The following LNP1 variants were observed in gnomAD, a reference collection of about 807,000 sequenced individuals.
The protein encoded by LNP1 is leukemia NUP98 fusion partner 1.
Under a neutral mutation model 14.5 loss-of-function variants are expected in LNP1, and 12 were observed. The ratio of observed to expected loss-of-function variants is 0.83; its 90% CI spans 0.53 to 1.34. LNP1 has a LOEUF of 1.34. Among genes scored for constraint, LNP1 ranks in the 40% most tolerant of loss-of-function variants. The pLI is 0.00. For missense variants in LNP1, 198 were observed against 210.9 expected (o/e 0.94, Z 0.38); for synonymous variants, 75 against 71.4 (o/e 1.05, Z -0.26).
At chr3:100,450,795 C>T (rs1208254442) in intron 2 of LNP1, among the ~76,000 whole-genome samples, 1 of 152,150 alleles carries the variant, frequency 6.6e-6, no homozygotes, top group Non-Finnish European at 1.5e-5. Flanking sequence ...TGGAAGTGAG[C>T]TCAAACTCCA....
At position 100,424,658 on chromosome 3, in the gene LNP1, C is replaced by T. The variant is rs1336904035; in HGVS notation, c.-33-5039C>T. Among the ~76,000 whole-genome samples the T allele has an allele frequency of 2.6e-5, 4 of 152,186 alleles. No individual in the cohort carries two copies. The East Asian group carries it at 7.7e-4, about 29-fold the overall frequency. On this transcript the variant is annotated intron_variant, in intron 1 of 3. Transcript: ENST00000383693. ...CACATTAGTCGGGCAGTTTAGACCA[C>T]TCTTATAATTTAAGGAAAATGTTAT...
chr3:100,414,708 C>T (rs1318823810), intron 1 of LNP1, among the ~76,000 whole-genome samples: 1 of 152,204 alleles, frequency 6.6e-6, no homozygotes, highest in East Asian at 1.9e-4. Context: ...TAGCAAGGAA[C>T]TCTAGGAGCT....
At chr3:100,404,021 T>C (rs1706940175) in intron 1 of LNP1, among the ~76,000 whole-genome samples, 1 of 152,258 alleles carries the variant, frequency 6.6e-6, no homozygotes, top group Non-Finnish European at 1.5e-5. Context: ...CTCTATTCTC[T>C]TTCAGCTGTC....
intron 1 of LNP1, among the ~76,000 whole-genome samples, chr3:100,407,269 A>G (rs773544092): frequency 6.6e-6 from 1 of 152,224 alleles, no homozygotes; most frequent in South Asian, 2.1e-4. Flanking sequence ...CTTGTAAGAC[A>G]GGTCTGGTGG....
chr3:100,444,688 G>A (rs1707372357), intron 2 of LNP1, among the ~76,000 whole-genome samples: 1 of 152,146 alleles, frequency 6.6e-6, no homozygotes, highest in Non-Finnish European at 1.5e-5. Flanking sequence ...TAACTCAAAG[G>A]ATTTTTTTAA....
At chr3:100,438,587 G>C (rs1318537086) in intron 2 of LNP1, among the ~76,000 whole-genome samples, 2 of 152,158 alleles carry the variant, frequency 1.3e-5, no homozygotes, top group East Asian at 3.8e-4. Context: ...ATACAGAATA[G>C]TTTCACTGTC....
At chr3:100,410,618 G>A (rs1707023626) in intron 1 of LNP1, among the ~76,000 whole-genome samples, 1 of 152,168 alleles carries the variant, frequency 6.6e-6, no homozygotes, top group African/African-American at 2.4e-5. Flanking sequence ...CATGGAGATT[G>A]GGTACAACTC....
At chr3:100,451,651 C>A in intron 2 of LNP1, 68 bp from the exon 3 acceptor site, 1 of 621,308 alleles carries the variant, frequency 1.6e-6, no homozygotes. Context: ...AGTTTATAAA[C>A]ATTCTGCCTC....
chr3:100,453,803 A>G (rs2148909245), intron 3 of LNP1, among the ~76,000 whole-genome samples: 1 of 152,244 alleles, frequency 6.6e-6, no homozygotes, highest in Non-Finnish European at 1.5e-5. Context: ...TCTGACATAA[A>G]CACAATACAA....
At chr3:100,455,490 G>T (rs1300508833) in intron 3 of LNP1, among the ~76,000 whole-genome samples, 1 of 152,146 alleles carries the variant, frequency 6.6e-6, no homozygotes, top group Non-Finnish European at 1.5e-5. Flanking sequence ...ATTTCATTGT[G>T]CCATGAAATC....
chr3:100,407,359 C>T (rs1038944256), intron 1 of LNP1, among the ~76,000 whole-genome samples: 9 of 152,114 alleles, frequency 5.9e-5, no homozygotes, highest in Admixed American at 2.0e-4. Flanking sequence ...TTGCTGAGTA[C>T]AGTATTCTTG....
At chr3:100,406,078 G>A (rs1010222429) in intron 1 of LNP1, among the ~76,000 whole-genome samples, 1 of 152,114 alleles carries the variant, frequency 6.6e-6, no homozygotes, top group Non-Finnish European at 1.5e-5. Flanking sequence ...CTGAGGTCAG[G>A]AGTTCAAGAT....
At chr3:100,417,185 C>T (rs1462484295) in intron 1 of LNP1, among the ~76,000 whole-genome samples, 2 of 151,918 alleles carry the variant, frequency 1.3e-5, no homozygotes. Context: ...ATCTAATCGT[C>T]TTTTCCTTAT....
Position 100,409,848 on chromosome 3 carries a change from G to A in LNP1, c.-34+7409G>A, listed in dbSNP as rs1576225179. On this transcript the variant is annotated intron_variant, in intron 1 of 3. Transcript: ENST00000383693. ...GACCTCAGGCGATCTACCCACCGCA[G>A]CCTCCCAAAGTGCTAGGATTACAGG... Among the ~76,000 whole-genome samples the A allele has an allele frequency of 5.3e-5, 8 of 151,668 alleles. No homozygotes were observed. The South Asian group carries it at 1.7e-3, about 32-fold the overall frequency.
At chr3:100,409,450 C>T (rs1312543411) in intron 1 of LNP1, among the ~76,000 whole-genome samples, 1 of 151,326 alleles carries the variant, frequency 6.6e-6, no homozygotes, top group Non-Finnish European at 1.5e-5. Context: ...CGAGGCCAGC[C>T]TGGCCAAGAC....
intron 1 of LNP1, among the ~76,000 whole-genome samples, chr3:100,425,988 G>A (rs1000997032): frequency 2.0e-5 from 3 of 152,174 alleles, no homozygotes; most frequent in Non-Finnish European, 4.4e-5. Context: ...CTGGCAAGCT[G>A]AACACAAATT....
At chr3:100,417,371 CTTTT>C (rs562000656) in intron 1 of LNP1, among the ~76,000 whole-genome samples, 739 of 64,592 alleles carry the variant, frequency 0.011, 5 homozygotes, top group African/African-American at 0.039. Flanking sequence ...TTTCTTTTTT[CTTTT>C]TTTTTTTTTT....
chr3:100,432,255 T>A (rs1034322691), intron 2 of LNP1, among the ~76,000 whole-genome samples: 3 of 151,720 alleles, frequency 2.0e-5, no homozygotes, highest in East Asian at 2.0e-4. Flanking sequence ...GGAGAAGAGC[T>A]TTCCCCCTTG....
chr3:100,454,988 G>C (rs1004044201), intron 3 of LNP1, among the ~76,000 whole-genome samples: 1 of 152,146 alleles, frequency 6.6e-6, no homozygotes, highest in African/African-American at 2.4e-5. Flanking sequence ...TAGATACGGT[G>C]GCCACATTTA....
Sources: allele counts gnomAD v4.1 joint callset (sites outside exome capture counted in the v4.1 genomes callset), GRCh38; gene constraint gnomAD v4.1.1; transcripts MANE v1.5; gene names NCBI Gene and HGNC (gene_info 2026-07-23, HGNC 2026-07-21).